The following HK3 variants were observed in gnomAD, a reference collection of about 807,000 sequenced individuals.
HK3 encodes hexokinase 3.
A neutral mutation model predicts 91.0 loss-of-function variants in HK3; 93 were observed. That is an observed-to-expected ratio of 1.02 (90% CI 0.86 to 1.21). The LOEUF (loss-of-function observed/expected upper bound fraction) is 1.21, where lower values mean the gene tolerates loss of function less well. Ranked by LOEUF, HK3 falls within the 50% of genes most tolerant of loss-of-function variation. HK3 has a pLI of 0.00. For missense variants in HK3, 1,235 were observed against 1,247.4 expected (o/e 0.99, Z 0.15); for synonymous variants, 519 against 516.9 (o/e 1.00, Z -0.06).
At position 176,881,722 on chromosome 5, in the gene HK3, A is replaced by C; in HGVS notation, c.2363T>G (p.Phe788Cys). The C allele has an allele frequency of 1.2e-6, 2 of 1,614,136 alleles. No individual in the cohort carries two copies. The highest frequency in any genetic ancestry group is 1.7e-6 in the Non-Finnish European group (2 of 1,180,038). The change falls in exon 17 of 19, where the codon TTC becomes TGC. Residue 788 changes from phenylalanine to cysteine, a missense_variant. Phe to Cys is a radical substitution (Grantham distance 205, BLOSUM62 -2). Coordinates refer to ENST00000292432, the MANE Select transcript of HK3 (RefSeq NM_002115.3). ...GATCTCAGAGAGGAACTTGGTCTTG[A>C]AGATGTCCCTGGTCTGAAGGCGCTG... Reference protein sequence around the residue: ...QIQRLQTRDIFKTKFLSEIES... With the variant: ...QIQRLQTRDICKTKFLSEIES...
rs373746689 is a variant in HK3 at position 176,887,633 on chromosome 5, G to A, written c.1418C>T (p.Ala473Val). 15 of 1,613,400 alleles carry A rather than the reference G, an allele frequency of 9.3e-6. No individual in the cohort carries two copies. In the African/African-American group the frequency reaches 1.9e-4, roughly 20 times the overall value. ...GCGCCGGTGGGCAGCCAGACGGGCA[G>A]CCACGGCAGTCACCATCGCCACTCC... ...GRGVAMVTAV[A>V]ARLAAHRRLL... The change falls in exon 11 of 19, where the codon GCT (alanine) becomes GTT (valine). Residue 473 changes from alanine (A) to valine (V), a missense_variant. Transcript: ENST00000292432. This position sits in a 1 kb window ranked among gnomAD's most constrained non-coding sequence, Gnocchi z 4.9.
chr5:176,883,899 G>A (rs1561677662), intron 14 of HK3, 30 bp from the exon 15 acceptor site: 2 of 1,609,274 alleles, frequency 1.2e-6, no homozygotes, highest in African/African-American at 2.7e-5. Flanking sequence ...GCTAGTTGCT[G>A]GGCAACGCGG....
intron 2 of HK3, among the ~76,000 whole-genome samples, chr5:176,894,119 G>A (rs1485295566): frequency 6.6e-6 from 1 of 152,176 alleles, no homozygotes; most frequent in Non-Finnish European, 1.5e-5. Flanking sequence ...GATGCTCAGT[G>A]GAACACGGAT....
chr5:176,894,933 T>G (rs892061672), intron 2 of HK3, among the ~76,000 whole-genome samples: 1 of 151,218 alleles, frequency 6.6e-6, no homozygotes, highest in Non-Finnish European at 1.5e-5. Flanking sequence ...CCTGCCACCA[T>G]GCCCAGCTAA....
intron 6 of HK3, 93 bp downstream of exon 6, chr5:176,890,542 G>C: frequency 9.6e-7 from 1 of 1,038,222 alleles, no homozygotes; most frequent in South Asian, 1.3e-5. Flanking sequence ...AAGAGAAGAG[G>C]AAAGCAACTC....
At chr5:176,891,234 AC>A (rs748196466) in intron 3 of HK3, 43 bp from the exon 4 acceptor site, 1 of 1,613,872 alleles carries the variant, frequency 6.2e-7, no homozygotes, top group Non-Finnish European at 8.5e-7. Context: ...AGCTGGCAAG[AC>A]CAGAGCCCTC....
chr5:176,881,833 A>T lies in HK3; in HGVS notation c.2252T>A (p.Ile751Asn). 6.2e-7 allele frequency: 1 copy of T among 1,613,784 alleles called. No individual in the cohort carries two copies. Among genetic ancestry groups the T allele is most frequent in the Non-Finnish European group, 8.5e-7 (1 of 1,179,970 alleles). ...GATCTCCCCCAGGTACATGCCGCTG[A>T]TCATCTTTTCAAACCTGCATGAACA... ...NPGKQRFEKMISGMYLGEIVR... is the reference protein window; with the variant it reads ...NPGKQRFEKMNSGMYLGEIVR... The change falls in exon 17 of 19, where the codon ATC becomes AAC. Residue 751 changes from isoleucine (I) to asparagine (N), a missense_variant. Transcript: ENST00000292432.
chr5:176,891,109 C>A lies in HK3; in HGVS notation c.342G>T (p.Glu114Asp), dbSNP rs1489206706. The A allele has an allele frequency of 1.2e-5, 19 of 1,614,042 alleles. No individual in the cohort carries two copies. The highest frequency in any genetic ancestry group is 1.6e-5 in the Non-Finnish European group (19 of 1,180,050). ...GGCTTCTGGGCTCCACCCTATGCCC[C>A]TCAATGCCAGTTAGAGTCACCCACA... Reference protein sequence around the residue: ...RVLWVTLTGIEGHRVEPRSQE... With the variant: ...RVLWVTLTGIDGHRVEPRSQE... Residue 114 changes from glutamate (E) to aspartate (D), a missense_variant, in exon 4 of 19, where the codon GAG (glutamate) becomes GAT (aspartate). Transcript: ENST00000292432.
In HK3 at chr5:176,887,282, C is replaced by A; in HGVS notation, c.1656G>T (p.Leu552=). The part of the protein sequence containing the change: ...DLGGTNFRVL[L]VRVTTGVQIT... ...TCTGCACGCCTGTGGTCACACGTAC[C>A]AGGAGGACACGGAAGTTCGTGCCCC... is the stretch of plus-strand genomic sequence containing the variant. Residue 552 remains leucine (L), a synonymous_variant, in exon 12 of 19, where the codon CTG becomes CTT. Coordinates refer to ENST00000292432, the MANE Select transcript of HK3 (RefSeq NM_002115.3). The surrounding 1 kb of genome is among the most constrained non-coding windows in gnomAD (Gnocchi z 4.9). 6.2e-7 allele frequency: 1 copy of A among 1,614,026 alleles called. No individual in the cohort carries two copies.
rs751884643 is a variant in HK3, at chr5:176,891,017, G to A, written c.414+20C>T. 123 of 1,613,902 alleles carry A rather than the reference G, an allele frequency of 7.6e-5. No homozygotes were observed. Among genetic ancestry groups the A allele is most frequent in the Non-Finnish European group, 1.0e-4 (121 of 1,179,930 alleles). ...CCAGCCAGGCCCCCAGACCCCAGAG[G>A]CTGGGCAGTGAGTGCTTACCTGCTG... On this transcript the variant is annotated intron_variant, in intron 4 of 18. Transcript: ENST00000292432.
chr5:176,889,842 T>G, intron 6 of HK3, 98 bp from the exon 7 acceptor site: 1 of 918,958 alleles, frequency 1.1e-6, no homozygotes, highest in Non-Finnish European at 1.8e-6. Flanking sequence ...TTGAAGGAGA[T>G]ACATAGAGTC....
chr5:176,887,046 C>T lies in HK3; in HGVS notation c.1813G>A (p.Gly605Ser). 1 of 1,614,192 alleles carries T rather than the reference C, an allele frequency of 6.2e-7. No individual in the cohort carries two copies. Among genetic ancestry groups the T allele is most frequent in the Non-Finnish European group, 8.5e-7 (1 of 1,180,042 alleles). ...QGLSGQSLPLGFTFSFPCRQL... is the reference protein window; with the variant it reads ...QGLSGQSLPLSFTFSFPCRQL... ...CTACATGGGAAGGAGAAGGTAAAACCCAGTGGGAGGCTCTGCCCGCTCAGG... is the reference window on the plus strand; with the variant it reads ...CTACATGGGAAGGAGAAGGTAAAACTCAGTGGGAGGCTCTGCCCGCTCAGG... Residue 605 changes from glycine (G) to serine (S), a missense_variant, in exon 13 of 19, where the codon GGT (glycine) becomes AGT (serine). By Grantham distance (56) the Gly-to-Ser change is moderately conservative (BLOSUM62 0). Around this residue, in one of 3 missense-constraint regions of HK3, gnomAD observed 513 missense variants for 477.4 expected, o/e 1.07. Transcript: ENST00000292432. The surrounding 1 kb of genome is among the most constrained non-coding windows in gnomAD (Gnocchi z 4.9).
rs1561676075 is a variant in HK3 at position 176,882,026 on chromosome 5, CA to C, written c.2154del (p.Phe718LeufsTer33). The C allele has an allele frequency of 6.2e-7, 1 of 1,613,258 alleles. No individual in the cohort carries two copies. Among genetic ancestry groups the C allele is most frequent in the East Asian group, 2.2e-5 (1 of 44,876 alleles). On this transcript the variant is annotated frameshift_variant, in exon 16 of 19. Transcript: ENST00000292432. LOFTEE classifies it high-confidence loss of function. ...RMCINMEWGA[F>X]GDDGSLAMLS... The stretch of plus-strand genomic sequence containing the variant: ...AGCATGGCCAGAGAGCCATCGTCCC[CA>C]AAGGCGCCCCACTCCATGTTGATGC...
chr5:176,882,070 C>T lies in HK3; in HGVS notation c.2111G>A (p.Gly704Glu), dbSNP rs777101167. The change falls in exon 16 of 19, where the codon GGG (glycine) becomes GAG (glutamate). Residue 704 changes from glycine to glutamate, a missense_variant. Coordinates refer to ENST00000292432, the MANE Select transcript of HK3 (RefSeq NM_002115.3). ...GTTGATGCACATGCGGCCTGAGTCCCCAGGCACGCCCGCCACATTCCGGAG... is the reference window on the plus strand; with the variant it reads ...GTTGATGCACATGCGGCCTGAGTCCTCAGGCACGCCCGCCACATTCCGGAG... ...EELRNVAGVPGDSGRMCINME... is the reference protein window; with the variant it reads ...EELRNVAGVPEDSGRMCINME... The T allele has an allele frequency of 3.7e-6, 6 of 1,612,904 alleles. No homozygotes were observed. The highest frequency in any genetic ancestry group is 1.1e-5 in the South Asian group (1 of 91,088).
rs1241137121 is a variant in HK3 at position 176,887,174 on chromosome 5, T to C, written c.1737+27A>G. ...GCACTGCTCAGCCCTTCCCCACCTC[T>C]GACATCAAGGTTCAGGCTGTGGGTA... On this transcript the variant is annotated intron_variant, in intron 12 of 18. Coordinates refer to ENST00000292432, the MANE Select transcript of HK3 (RefSeq NM_002115.3). This position sits in a 1 kb window ranked among gnomAD's most constrained non-coding sequence, Gnocchi z 4.9. 6.2e-7 allele frequency: 1 copy of C among 1,614,004 alleles called. No homozygotes were observed. Among genetic ancestry groups the C allele is most frequent in the Non-Finnish European group, 8.5e-7 (1 of 1,180,024 alleles).
intron 15 of HK3, among the ~76,000 whole-genome samples, chr5:176,882,749 C>T (rs771487472): frequency 6.6e-6 from 1 of 152,280 alleles, no homozygotes; most frequent in African/African-American, 2.4e-5. Flanking sequence ...AAAGGCATTC[C>T]AGGCAGAGGA....
chr5:176,884,166 G>A lies in HK3; in HGVS notation c.1858-32C>T, dbSNP rs746220118. On this transcript the variant is annotated intron_variant, in intron 13 of 18. Transcript: ENST00000292432. This position sits in a 1 kb window ranked among gnomAD's most constrained non-coding sequence, Gnocchi z 4.1. ...TGAGACCGAGAGGAAGTGGCAGGAAGCTGGAGGCCCCTTCAGGCTCACTCT... is the reference window on the plus strand; with the variant it reads ...TGAGACCGAGAGGAAGTGGCAGGAAACTGGAGGCCCCTTCAGGCTCACTCT... 3 of 1,574,642 alleles carry A rather than the reference G, an allele frequency of 1.9e-6. No individual in the cohort carries two copies. Among genetic ancestry groups the A allele is most frequent in the Admixed American group, 1.7e-5 (1 of 59,958 alleles).
chr5:176,897,987 G>A (rs745852377), intron 1 of HK3, among the ~76,000 whole-genome samples: 2 of 152,156 alleles, frequency 1.3e-5, no homozygotes, highest in Admixed American at 6.5e-5. Context: ...CACCTTGACT[G>A]GAGACATCGA....
At chr5:176,898,179 C>T (rs1758952166) in intron 1 of HK3, among the ~76,000 whole-genome samples, 2 of 152,210 alleles carry the variant, frequency 1.3e-5, no homozygotes, top group Admixed American at 1.3e-4. Context: ...AAACTGATAG[C>T]TCTGCTTCTA....
Sources: allele counts gnomAD v4.1 joint callset (sites outside exome capture counted in the v4.1 genomes callset), GRCh38; gene constraint gnomAD v4.1.1; regional missense constraint gnomAD v4.1.1; non-coding constraint Gnocchi (gnomAD v3.1); transcripts MANE v1.5; gene names NCBI Gene and HGNC (gene_info 2026-07-23, HGNC 2026-07-21).